SPATA31H1: variants seen among roughly 807,000 people sequenced by gnomAD.
SPATA31H1 encodes the protein spermatogenesis-associated protein 31H1.
the SPATA31H1 span, chr2:27,581,819 A>C: frequency 1.6e-4 from 249 of 1,585,932 alleles, no homozygotes; most frequent in African/African-American, 2.2e-3. Context: ...CTGAGAGAAG[A>C]CATCACAGTC....
the SPATA31H1 span, among the ~76,000 whole-genome samples, chr2:27,556,615 A>AT: frequency 4.7e-5 from 6 of 128,892 alleles, no homozygotes; most frequent in East Asian, 2.3e-4. Context: ...GATTTTTTTT[A>AT]TTTTTTTTCA....
the SPATA31H1 span, chr2:27,581,327 C>A: frequency 6.2e-7 from 1 of 1,614,030 alleles, no homozygotes; most frequent in East Asian, 2.2e-5. Flanking sequence ...ATCACAGTCC[C>A]TCTCAGAGGA....
the SPATA31H1 span, among the ~76,000 whole-genome samples, chr2:27,560,337 AT>A: frequency 7.4e-6 from 1 of 135,530 alleles, no homozygotes; most frequent in South Asian, 2.5e-4. Context: ...ATTTGACTGT[AT>A]TTTTTCATTC....
At chr2:27,581,850 A>G in the SPATA31H1 span, 1 of 1,610,872 alleles carries the variant, frequency 6.2e-7, no homozygotes. Flanking sequence ...AAGCCATTGC[A>G]GTCCCTCTGA....
chr2:27,581,696 A>G, the SPATA31H1 span: 2 of 1,611,160 alleles, frequency 1.2e-6, no homozygotes, highest in Non-Finnish European at 1.7e-6. Context: ...CCTCTGAGAG[A>G]AGACATCACA....
chr2:27,554,954 A>T, the SPATA31H1 span, among the ~76,000 whole-genome samples: 1 of 151,988 alleles, frequency 6.6e-6, no homozygotes, highest in African/African-American at 2.4e-5. Flanking sequence ...CAAAGGCCTC[A>T]TCTACTAATA....
the SPATA31H1 span, chr2:27,581,794 G>A: frequency 1.9e-6 from 3 of 1,613,380 alleles, no homozygotes; most frequent in East Asian, 4.5e-5. Flanking sequence ...TCTGAGAGAA[G>A]CCATCACAGT....
chr2:27,545,045 C>T, the SPATA31H1 span, among the ~76,000 whole-genome samples: 1 of 147,920 alleles, frequency 6.8e-6, no homozygotes, highest in Non-Finnish European at 1.5e-5. Context: ...TTTTTTGAGA[C>T]AGAATCTTAC....
the SPATA31H1 span, chr2:27,582,657 C>T: frequency 1.1e-6 from 1 of 911,216 alleles, no homozygotes; most frequent in Non-Finnish European, 1.7e-6. Context: ...TTTCTCTCTA[C>T]CGGGGGGGAG....
the SPATA31H1 span, chr2:27,576,765 T>A: frequency 6.2e-7 from 1 of 1,613,764 alleles, no homozygotes; most frequent in Non-Finnish European, 8.5e-7. Flanking sequence ...ATCTTTGGAG[T>A]TTACTGTAGA....
chr2:27,543,814 GT>G, the SPATA31H1 span, among the ~76,000 whole-genome samples: 12 of 151,864 alleles, frequency 7.9e-5, no homozygotes, highest in African/African-American at 2.4e-4. Context: ...CCTACCCAAG[GT>G]TCTCCTACCC....
the SPATA31H1 span, chr2:27,578,315 G>T: frequency 1.9e-6 from 3 of 1,614,078 alleles, no homozygotes; most frequent in Middle Eastern, 3.3e-4. Flanking sequence ...AAACAGTGGA[G>T]TTGACAGGGT....
chr2:27,579,210 T>A, the SPATA31H1 span: 5 of 1,614,202 alleles, frequency 3.1e-6, no homozygotes, highest in South Asian at 5.5e-5. Flanking sequence ...GAGTCATGCC[T>A]GGAGGCAGCG....
At chr2:27,539,269 C>T in the SPATA31H1 span, among the ~76,000 whole-genome samples, 4 of 150,264 alleles carry the variant, frequency 2.7e-5, no homozygotes, top group African/African-American at 5.0e-5. Flanking sequence ...TCCGGCCTTC[C>T]GCAGTGTTTG....
the SPATA31H1 span, chr2:27,576,990 A>G: frequency 1.2e-6 from 2 of 1,614,098 alleles, no homozygotes; most frequent in Non-Finnish European, 8.5e-7. Flanking sequence ...CCCACAGCCA[A>G]AGTATCAAAT....
the SPATA31H1 span, among the ~76,000 whole-genome samples, chr2:27,558,838 C>G: frequency 2.0e-4 from 22 of 108,938 alleles, no homozygotes; most frequent in Admixed American, 2.3e-3. Flanking sequence ...TGCAGTGAGC[C>G]GAGATGGCAG....
chr2:27,537,483 A>C, the SPATA31H1 span: 1 of 717,338 alleles, frequency 1.4e-6, no homozygotes, highest in Non-Finnish European at 2.6e-6. Context: ...GCCTTCTATT[A>C]TTGTTTGTTT....
At chr2:27,578,985 G>A in the SPATA31H1 span, 4 of 1,614,138 alleles carry the variant, frequency 2.5e-6, no homozygotes, top group Non-Finnish European at 3.4e-6. Context: ...CGATAAGACA[G>A]CTAACATTGT....
At chr2:27,569,942 G>A in the SPATA31H1 span, 1 of 398,834 alleles carries the variant, frequency 2.5e-6, no homozygotes, top group African/African-American at 2.1e-5. Flanking sequence ...ATTATGGTGT[G>A]AAATCTGATG....
Sources: gnomAD v4.1 joint callset for allele counts (sites outside exome capture counted in the v4.1 genomes callset) on GRCh38, gnomAD v4.1.1 for gene constraint, MANE v1.5 for transcripts, NCBI Gene and HGNC (gene_info 2026-07-23, HGNC 2026-07-21) for gene names.